The following HGF variants were observed in gnomAD, a reference collection of about 807,000 sequenced individuals.
The protein encoded by HGF is fibroblast-derived tumor cytotoxic factor.
In HGF, 39 loss-of-function variants were observed where a neutral mutation model predicts 111.6. That is an observed-to-expected ratio of 0.35 (90% CI 0.27 to 0.46). HGF has a LOEUF of 0.46. Ranked by LOEUF, HGF falls within the 20% of genes least tolerant of loss-of-function variation. The probability of loss-of-function intolerance (pLI) is 1.00; values close to 1 mark genes in which losing one functional copy is unlikely to be tolerated. For missense variants in HGF, 735 were observed against 910.5 expected (o/e 0.81, Z 2.48); for synonymous variants, 285 against 294.8 (o/e 0.97, Z 0.34).
intron 7 of HGF, among the ~76,000 whole-genome samples, chr7:81,730,303 T>A (rs896494833): frequency 4.6e-5 from 7 of 151,744 alleles, no homozygotes; most frequent in African/African-American, 1.5e-4. Flanking sequence ...ACAAAAAAAA[T>A]TAGCCAGGAG....
chr7:81,736,730 T>C (rs746226507), intron 7 of HGF: 61 of 476,668 alleles, frequency 1.3e-4, no homozygotes, highest in East Asian at 4.9e-4. Flanking sequence ...AAGAAAATCA[T>C]TGTGGCTGGA....
Position 81,758,731 on chromosome 7 carries a change from T to C in HGF, c.328A>G (p.Lys110Glu). The C allele has an allele frequency of 6.2e-7, 1 of 1,613,158 alleles. No individual in the cohort carries two copies. Among genetic ancestry groups the C allele is most frequent in the East Asian group, 2.2e-5 (1 of 44,740 alleles). ...PFNSMSSGVK[K>E]EFGHEFDLYE... ...AGGTCAAATTCATGGCCAAATTCTT[T>C]TTTCACTCCACTTGACATGCTATTG... is the stretch of plus-strand genomic sequence containing the variant. Residue 110 changes from lysine (K) to glutamate (E), a missense_variant, in exon 3 of 18, where the codon AAA becomes GAA. By Grantham distance (56) the Lys-to-Glu change is moderately conservative. Coordinates refer to ENST00000222390, the MANE Select transcript of HGF (RefSeq NM_000601.6).
chr7:81,708,987 T>C (rs1009872447), intron 13 of HGF, among the ~76,000 whole-genome samples: 5 of 152,140 alleles, frequency 3.3e-5, no homozygotes, highest in Admixed American at 6.6e-5. Flanking sequence ...CCTACAACAT[T>C]GTGGTCATCT....
intron 17 of HGF, 46 bp downstream of exon 17, chr7:81,705,344 C>T (rs371548104): frequency 1.9e-5 from 29 of 1,566,490 alleles, no homozygotes; most frequent in African/African-American, 1.4e-4. Context: ...ACATGAAACA[C>T]TAAGCTATGA....
chr7:81,715,766 G>C (rs1789694591), intron 11 of HGF, among the ~76,000 whole-genome samples: 2 of 152,100 alleles, frequency 1.3e-5, no homozygotes, highest in Admixed American at 6.5e-5. Context: ...GACTTCTGTT[G>C]TATTTCATTT....
At position 81,717,220 on chromosome 7, in the gene HGF, A is replaced by T; in HGVS notation, c.1405+12T>A. 1 of 1,612,326 alleles carries T rather than the reference A, an allele frequency of 6.2e-7. No individual in the cohort carries two copies. The highest frequency in any genetic ancestry group is 8.5e-7 in the Non-Finnish European group (1 of 1,178,464). The stretch of plus-strand genomic sequence containing the variant: ...AATATTTCACAAGACACCAATCCCT[A>T]ACTGTACTTACAACGAGAAATAGGG... On this transcript the variant is annotated intron_variant, in intron 11 of 17. Transcript: ENST00000222390.
intron 7 of HGF, among the ~76,000 whole-genome samples, chr7:81,741,593 G>C (rs1192956533): frequency 2.0e-5 from 3 of 151,048 alleles, no homozygotes; most frequent in African/African-American, 4.9e-5. Context: ...CTGTGTGTGT[G>C]TGTGTGTGTG....
Position 81,700,684 on chromosome 7 carries a change from TG to T in HGF, c.*1896del, listed in dbSNP as rs1446599635. 6.6e-6 allele frequency: 1 copy of T among 151,602 alleles called. No individual in the cohort carries two copies. The highest frequency in any genetic ancestry group is 1.5e-5 in the Non-Finnish European group (1 of 67,648). The allele number at this position is 151,602 out of a possible 1,614,324, so 9.4% of individuals were successfully genotyped here. On this transcript the variant is annotated 3_prime_UTR_variant, in exon 18 of 18. Coordinates refer to ENST00000222390, the MANE Select transcript of HGF (RefSeq NM_000601.6). ...AAATTTCTAGGAGTTCTTACTAAAA[TG>T]GTGTATTATATAAGGAAAATAGAAA...
chr7:81,742,624 G>A (rs1788050332), intron 7 of HGF: 1 of 914,330 alleles, frequency 1.1e-6, no homozygotes, highest in Non-Finnish European at 1.4e-6. Flanking sequence ...TAAGAGAACA[G>A]TGAAAATGTG....
intron 4 of HGF, chr7:81,756,865 C>T (rs569455824): frequency 3.0e-6 from 1 of 332,244 alleles, no homozygotes; most frequent in Admixed American, 4.6e-5. Context: ...TCACAATCAA[C>T]CTCTCCCCCT....
intron 1 of HGF, among the ~76,000 whole-genome samples, chr7:81,768,562 G>C (rs1347055747): frequency 1.3e-5 from 2 of 152,106 alleles, no homozygotes; most frequent in Admixed American, 6.5e-5. Context: ...TGTATTTTTA[G>C]TAGAGACAGG....
chr7:81,736,222 T>C (rs537812800), intron 7 of HGF, among the ~76,000 whole-genome samples: 85 of 152,218 alleles, frequency 5.6e-4, no homozygotes, highest in Middle Eastern at 3.4e-3. Flanking sequence ...AAATATTAAA[T>C]AAAAAATTCC....
In HGF at chr7:81,705,456, C is replaced by T. The variant is rs369418750; in HGVS notation, c.1944G>A (p.Gly648=). 6.2e-6 allele frequency: 10 copies of T among 1,612,702 alleles called. No homozygotes were observed. The highest frequency in any genetic ancestry group is 5.3e-5 in the African/African-American group (4 of 74,810). Reference sequence around the variant, plus strand: ...TTTCAGACTCATTCAGAGTCACCTTCCCTCGATGATGCTGGCTGCATTTCT... The same window carrying T: ...TTTCAGACTCATTCAGAGTCACCTTTCCTCGATGATGCTGGCTGCATTTCT... ...GNEKCSQHHR[G]KVTLNESEIC... The change falls in exon 17 of 18, where the codon GGG becomes GGA. Residue 648 remains glycine (G), a synonymous_variant. Coordinates refer to ENST00000222390, the MANE Select transcript of HGF (RefSeq NM_000601.6).
intron 3 of HGF, among the ~76,000 whole-genome samples, chr7:81,757,835 C>T (rs1341088397): frequency 1.3e-5 from 2 of 151,626 alleles, no homozygotes; most frequent in Non-Finnish European, 2.9e-5. Context: ...CCTATATATT[C>T]CTACCAAATA....
At chr7:81,767,892 A>T (rs1250854574) in intron 1 of HGF, among the ~76,000 whole-genome samples, 1 of 152,224 alleles carries the variant, frequency 6.6e-6, no homozygotes, top group Admixed American at 6.5e-5. Context: ...TGTGTGTTCT[A>T]AGAGGCTACC....
chr7:81,711,792 C>T (rs2115808400), intron 11 of HGF, among the ~76,000 whole-genome samples: 1 of 152,134 alleles, frequency 6.6e-6, no homozygotes, highest in South Asian at 2.1e-4. Flanking sequence ...CACAGGCACA[C>T]ACCACCACAC....
rs1360599453 is a variant in HGF, at chr7:81,700,175, A to G, written c.*2406T>C. On this transcript the variant is annotated 3_prime_UTR_variant, in exon 18 of 18. Coordinates refer to ENST00000222390, the MANE Select transcript of HGF (RefSeq NM_000601.6). ...AAAGTGGATTGTTGGATTTTTAAAAATGTTTAATGATTTATTCAGCAAAGA... is the reference window on the plus strand; with the variant it reads ...AAAGTGGATTGTTGGATTTTTAAAAGTGTTTAATGATTTATTCAGCAAAGA... 1.3e-5 allele frequency: 2 copies of G among 151,708 alleles called. No individual in the cohort carries two copies. Among genetic ancestry groups the G allele is most frequent in the Non-Finnish European group, 3.0e-5 (2 of 67,714 alleles). 9.4% of individuals were successfully genotyped at this position (151,708 alleles called of 1,614,324 possible). A position where few individuals can be genotyped will look rare whatever the true frequency, so the allele number is the denominator to read the frequency against.
chr7:81,757,839 C>T (rs1404530143), intron 3 of HGF, among the ~76,000 whole-genome samples: 1 of 151,664 alleles, frequency 6.6e-6, no homozygotes, highest in Non-Finnish European at 1.5e-5. Flanking sequence ...TATATTCCTA[C>T]CAAATAATAG....
chr7:81,718,922 T>A (rs1789783605), intron 10 of HGF, among the ~76,000 whole-genome samples: 2 of 152,222 alleles, frequency 1.3e-5, no homozygotes, highest in African/African-American at 4.8e-5. Context: ...ATAGCAGTGC[T>A]GAAATTAGCA....
Sources: allele counts gnomAD v4.1 joint callset (sites outside exome capture counted in the v4.1 genomes callset), GRCh38; gene constraint gnomAD v4.1.1; transcripts MANE v1.5; gene names NCBI Gene and HGNC (gene_info 2026-07-23, HGNC 2026-07-21).